Variants in CNGA3 observed in about 807,000 individuals in gnomAD.
The protein encoded by CNGA3 is cyclic nucleotide-gated channel alpha-3.
A neutral mutation model predicts 46.6 loss-of-function variants in CNGA3; 42 were observed. The observed-to-expected ratio is 0.90, with a 90% confidence interval of 0.70 to 1.17. The LOEUF is 1.17. Among genes scored for constraint, CNGA3 ranks in the 50% most tolerant of loss-of-function variants. The pLI, the probability that CNGA3 is intolerant of heterozygous loss-of-function variation, is 0.00. For missense variants in CNGA3, 893 were observed against 890.7 expected (o/e 1.00, Z -0.03); for synonymous variants, 394 against 369.4 (o/e 1.07, Z -0.76).
At chr2:98,362,237 T>C (rs1692051837) in intron 1 of CNGA3, among the ~76,000 whole-genome samples, 1 of 139,156 alleles carries the variant, frequency 7.2e-6, no homozygotes. Flanking sequence ...TGGAGTGCAA[T>C]GGCACTATCT....
rs1330420689 is a variant in CNGA3, at chr2:98,396,887, T to C, written c.1717T>C (p.Tyr573His). 1 of 1,614,058 alleles carries C rather than the reference T, an allele frequency of 6.2e-7. No individual in the cohort carries two copies. Among genetic ancestry groups the C allele is most frequent in the East Asian group, 2.2e-5 (1 of 44,890 alleles). Residue 573 changes from tyrosine to histidine, a missense_variant, in exon 8 of 8, where the codon TAC becomes CAC. Tyr to His is a moderately conservative substitution (Grantham distance 83). Transcript: ENST00000272602. ...RRTANIRSIG[Y>H]SDLFCLSKDD... is the part of the protein sequence containing the mutation. Reference sequence around the variant, plus strand: ...GACGGCCAACATCCGCAGCATTGGCTACTCAGACCTGTTCTGCCTCTCAAA... The same window carrying C: ...GACGGCCAACATCCGCAGCATTGGCCACTCAGACCTGTTCTGCCTCTCAAA...
chr2:98,393,720 C>G (rs1692844003), intron 7 of CNGA3, among the ~76,000 whole-genome samples: 1 of 152,120 alleles, frequency 6.6e-6, no homozygotes, highest in South Asian at 2.1e-4. Context: ...CCTGCACCTT[C>G]TTGTGCTTGG....
chr2:98,390,870 G>A (rs148215654), intron 6 of CNGA3, among the ~76,000 whole-genome samples: 1 of 152,372 alleles, frequency 6.6e-6, no homozygotes, highest in Non-Finnish European at 1.5e-5. Flanking sequence ...GTGCAGGACA[G>A]GTGTGCAAAG....
intron 1 of CNGA3, among the ~76,000 whole-genome samples, chr2:98,367,836 C>T (rs1288759401): frequency 6.6e-6 from 1 of 152,160 alleles, no homozygotes; most frequent in Non-Finnish European, 1.5e-5. Context: ...TTTAGCTGCT[C>T]ACCTCACAGG....
Position 98,396,503 on chromosome 2 carries a change from T to C in CNGA3, c.1333T>C (p.Trp445Arg), listed in dbSNP as rs753123724. 4.3e-6 allele frequency: 7 copies of C among 1,613,906 alleles called. No individual in the cohort carries two copies. Among genetic ancestry groups the C allele is most frequent in the Non-Finnish European group, 5.9e-6 (7 of 1,180,016 alleles). ...TRVIRWFDYLWANKKTVDEKE... is the reference protein window; with the variant it reads ...TRVIRWFDYLRANKKTVDEKE... ...GGTTATCCGGTGGTTTGACTACCTG[T>C]GGGCCAACAAGAAGACGGTGGATGA... Residue 445 changes from tryptophan to arginine, a missense_variant, in exon 8 of 8, where the codon TGG becomes CGG. Trp to Arg is a moderately radical substitution (Grantham distance 101). Transcript: ENST00000272602.
chr2:98,371,809 G>T (rs769340160), intron 2 of CNGA3, among the ~76,000 whole-genome samples: 3 of 152,234 alleles, frequency 2.0e-5, no homozygotes, highest in Admixed American at 6.5e-5. Flanking sequence ...AGCTAATAAA[G>T]CCCCTTGAAG....
At chr2:98,368,421 C>A (rs1310916556) in intron 1 of CNGA3, among the ~76,000 whole-genome samples, 4 of 152,224 alleles carry the variant, frequency 2.6e-5, no homozygotes, top group African/African-American at 9.7e-5. Context: ...TTAGAGAAAC[C>A]ATCCTCAGAA....
intron 1 of CNGA3, among the ~76,000 whole-genome samples, chr2:98,367,192 T>C (rs1574367757): frequency 6.9e-6 from 1 of 144,012 alleles, no homozygotes; most frequent in Non-Finnish European, 1.5e-5. Context: ...TTTCTTTTTT[T>C]TTTTTTTTTA....
At chr2:98,364,904 C>T (rs76855862) in intron 1 of CNGA3, among the ~76,000 whole-genome samples, 1 of 152,276 alleles carries the variant, frequency 6.6e-6, no homozygotes, top group Admixed American at 6.5e-5. Context: ...TTCTGGGTTG[C>T]AAATTCTTTT....
At chr2:98,379,623 G>T (rs552836742) in intron 3 of CNGA3, among the ~76,000 whole-genome samples, 1 of 152,192 alleles carries the variant, frequency 6.6e-6, no homozygotes, top group Admixed American at 6.5e-5. Flanking sequence ...GAAAACTCTA[G>T]TTTGTACAAG....
chr2:98,364,728 A>G (rs1193983332), intron 1 of CNGA3, among the ~76,000 whole-genome samples: 1 of 152,114 alleles, frequency 6.6e-6, no homozygotes, highest in Non-Finnish European at 1.5e-5. Flanking sequence ...TTTGTATTTC[A>G]GTCTGTTTTT....
At chr2:98,388,978 T>C (rs183928053) in intron 5 of CNGA3, among the ~76,000 whole-genome samples, 1 of 152,384 alleles carries the variant, frequency 6.6e-6, no homozygotes, top group East Asian at 1.9e-4. Context: ...CAGTACAGCC[T>C]GTAAACTTGA....
intron 1 of CNGA3, among the ~76,000 whole-genome samples, chr2:98,357,313 A>C (rs1393313808): frequency 6.6e-6 from 1 of 152,234 alleles, no homozygotes; most frequent in Non-Finnish European, 1.5e-5. Context: ...TGAATCCTTG[A>C]AGGTACACAG....
intron 7 of CNGA3, among the ~76,000 whole-genome samples, chr2:98,393,006 C>T (rs1249146973): frequency 1.3e-5 from 2 of 152,122 alleles, no homozygotes; most frequent in Non-Finnish European, 2.9e-5. Context: ...GGTGCAGGCA[C>T]CTGTAATCCC....
intron 7 of CNGA3, among the ~76,000 whole-genome samples, chr2:98,394,242 T>C (rs1468604884): frequency 6.6e-6 from 1 of 152,204 alleles, no homozygotes; most frequent in East Asian, 1.9e-4. Flanking sequence ...CATGGCCTCC[T>C]TAATTGATTT....
intron 2 of CNGA3, among the ~76,000 whole-genome samples, chr2:98,372,886 C>T (rs955586719): frequency 6.6e-5 from 10 of 152,282 alleles, no homozygotes; most frequent in Admixed American, 6.5e-4. Flanking sequence ...CCAGCCGAGG[C>T]TTACTGAACT....
At chr2:98,389,603 C>T (rs1692735667) in intron 5 of CNGA3, 55 bp from the exon 6 acceptor site, 2 of 1,527,482 alleles carry the variant, frequency 1.3e-6, no homozygotes, top group Admixed American at 1.7e-5. Context: ...CTAAAACCCT[C>T]CAAAGCTACA....
At chr2:98,367,185 C>CTTTTTTTTTTTTTTTTTTTTTTTTTT (rs558997785) in intron 1 of CNGA3, among the ~76,000 whole-genome samples, 1 of 95,242 alleles carries the variant, frequency 1.0e-5, no homozygotes, top group African/African-American at 4.0e-5. Flanking sequence ...TCTTTTTTTT[C>CTTTTTTTTTTTTTTTTTTTTTTTTTT]TTTTTTTTTT....
rs376686181 is a variant in CNGA3 at position 98,346,573 on chromosome 2, G to A, written c.-38+39G>A. The A allele has an allele frequency of 2.3e-3, 906 of 397,280 alleles. 8 individuals are homozygous for A. The highest frequency in any genetic ancestry group is 4.2e-3 in the East Asian group (118 of 28,004). 24.6% of individuals were successfully genotyped at this position (397,280 alleles called of 1,614,324 possible). A position where few individuals can be genotyped will look rare whatever the true frequency, so the allele number is the denominator to read the frequency against. ...GGGGCTCTTGAGCTGGAATTTTTTG[G>A]GGGGCGCCGGGAGGTGTGCTGGGGC... On this transcript the variant is annotated intron_variant, in intron 1 of 7. Coordinates refer to ENST00000272602, the MANE Select transcript of CNGA3 (RefSeq NM_001298.3).
Sources: allele counts gnomAD v4.1 joint callset (sites outside exome capture counted in the v4.1 genomes callset), GRCh38; gene constraint gnomAD v4.1.1; transcripts MANE v1.5; gene names NCBI Gene and HGNC (gene_info 2026-07-23, HGNC 2026-07-21).